The following LYSMD2 variants were observed in gnomAD, a reference collection of about 807,000 sequenced individuals.
The protein encoded by LYSMD2 is lysM and putative peptidoglycan-binding domain-containing protein 2.
LYSMD2 carries 6 observed loss-of-function variants against 17.7 expected under a neutral mutation model. That is an observed-to-expected ratio of 0.34 (90% CI 0.19 to 0.67). The LOEUF (loss-of-function observed/expected upper bound fraction) is 0.67, where lower values mean the gene tolerates loss of function less well. Ranked by LOEUF, LYSMD2 falls within the 30% of genes least tolerant of loss-of-function variation. The probability of loss-of-function intolerance (pLI) is 0.69; values close to 1 mark genes in which losing one functional copy is unlikely to be tolerated. For missense variants in LYSMD2, 237 were observed against 286.7 expected (o/e 0.83, Z 1.25); for synonymous variants, 102 against 129.8 (o/e 0.79, Z 1.45).
upstream of LYSMD2, among the ~76,000 whole-genome samples, chr15:51,741,235 T>G (rs2055641004): frequency 6.6e-6 from 1 of 152,244 alleles, no homozygotes; most frequent in South Asian, 2.1e-4. Flanking sequence ...TCACATATAT[T>G]GGATAACTTA....
upstream of LYSMD2, among the ~76,000 whole-genome samples, chr15:51,739,016 T>G (rs572545356): frequency 1.3e-5 from 2 of 152,172 alleles, no homozygotes; most frequent in Non-Finnish European, 1.5e-5. Flanking sequence ...TTCCCTCCAA[T>G]GGTAACACTC....
chr15:51,736,275 G>A (rs1192194668), intron 1 of LYSMD2, among the ~76,000 whole-genome samples: 3 of 152,120 alleles, frequency 2.0e-5, no homozygotes, highest in South Asian at 2.1e-4. Flanking sequence ...GCCCCATTAA[G>A]GCACATAGAG....
rs1454943845 is a variant in LYSMD2, at chr15:51,737,438, AGCG to A, written c.182_184del (p.Pro61del). ...ATGGCGCTCGATGACGCCGGCGCCC[AGCG>A]GCGCCCGCACGCTGGCGGTGCTGCC... On this transcript the variant is annotated inframe_deletion, in exon 1 of 3. Coordinates refer to ENST00000267838, the MANE Select transcript of LYSMD2 (RefSeq NM_153374.3). This position sits in a 1 kb window ranked among gnomAD's most constrained non-coding sequence, Gnocchi z 4.2. 2.1e-6 allele frequency: 3 copies of A among 1,433,856 alleles called. No individual in the cohort carries two copies. Among genetic ancestry groups the A allele is most frequent in the Non-Finnish European group, 2.7e-6 (3 of 1,097,490 alleles). 88.8% of individuals were successfully genotyped at this position (1,433,856 alleles called of 1,614,324 possible). A position where few individuals can be genotyped will look rare whatever the true frequency, so the allele number is the denominator to read the frequency against.
chr15:51,747,113 T>C (rs766268745), intron 1 of LYSMD2, among the ~76,000 whole-genome samples: 2 of 151,332 alleles, frequency 1.3e-5, no homozygotes, highest in African/African-American at 4.9e-5. Context: ...GACATGAGAA[T>C]TGCTTGAACC....
At chr15:51,738,424 G>C (rs945284944), upstream of LYSMD2, among the ~76,000 whole-genome samples, 1 of 152,128 alleles carries the variant, frequency 6.6e-6, no homozygotes, top group Non-Finnish European at 1.5e-5. Flanking sequence ...GGAATTTACT[G>C]TCTGCATTCA....
chr15:51,737,645 T>G lies in LYSMD2; in HGVS notation c.-23A>C. ...CATGGGTCCTGCCGAGGCCGCCGGG[T>G]CGGGGAGCTTGCCAAGGGGGCGGCG... On this transcript the variant is annotated 5_prime_UTR_variant, in exon 1 of 3. Coordinates refer to ENST00000267838, the MANE Select transcript of LYSMD2 (RefSeq NM_153374.3). The surrounding 1 kb of genome is among the most constrained non-coding windows in gnomAD (Gnocchi z 4.2). 8.3e-7 allele frequency: 1 copy of G among 1,203,676 alleles called. No individual in the cohort carries two copies. Among genetic ancestry groups the G allele is most frequent in the Non-Finnish European group, 1.0e-6 (1 of 970,016 alleles). 74.6% of individuals were successfully genotyped at this position (1,203,676 alleles called of 1,614,324 possible).
At chr15:51,733,436 GA>G (rs967353247) in intron 1 of LYSMD2, among the ~76,000 whole-genome samples, 10 of 151,586 alleles carry the variant, frequency 6.6e-5, no homozygotes, top group Admixed American at 5.3e-4. Flanking sequence ...CTGAGGGAAA[GA>G]AAAAAAATTG....
At chr15:51,747,869 C>G (rs1386660334) in intron 1 of LYSMD2, among the ~76,000 whole-genome samples, 4 of 152,232 alleles carry the variant, frequency 2.6e-5, no homozygotes, top group African/African-American at 9.6e-5. Flanking sequence ...ATAGTCACTG[C>G]TCCTTTAGTC....
chr15:51,731,387 G>A (rs1341183349), intron 1 of LYSMD2, among the ~76,000 whole-genome samples: 1 of 152,174 alleles, frequency 6.6e-6, no homozygotes, highest in Non-Finnish European at 1.5e-5. Flanking sequence ...CAGCAGCAGG[G>A]GTTAAAGTTA....
chr15:51,724,624 A>G, intron 2 of LYSMD2, among the ~76,000 whole-genome samples, 166 bp downstream of exon 2: 1 of 148,138 alleles, frequency 6.8e-6, no homozygotes, highest in East Asian at 1.9e-4. Flanking sequence ...GAAATTAAGA[A>G]AGGAAGAAAT....
upstream of LYSMD2, chr15:51,737,748 A>C: frequency 1.4e-6 from 1 of 720,078 alleles, no homozygotes; most frequent in Non-Finnish European, 1.9e-6. This position sits in a 1 kb window ranked among gnomAD's most constrained non-coding sequence, Gnocchi z 4.2. Flanking sequence ...GGGGCGGCGG[A>C]CGGGAAGCCG....
chr15:51,729,445 T>C lies in LYSMD2; in HGVS notation c.274-4324A>G, dbSNP rs554479369. Among the ~76,000 whole-genome samples the C allele has an allele frequency of 3.9e-5, 6 of 152,296 alleles. No individual in the cohort carries two copies. In the South Asian group the frequency reaches 1.2e-3, roughly 32 times the overall value. On this transcript the variant is annotated intron_variant, in intron 1 of 2. Coordinates refer to ENST00000267838, the MANE Select transcript of LYSMD2 (RefSeq NM_153374.3). ...GAAACGATGTTTTCTTTTGCTTTGGTATGTTTTTATTTATTTATTTTTATT... is the reference window on the plus strand; with the variant it reads ...GAAACGATGTTTTCTTTTGCTTTGGCATGTTTTTATTTATTTATTTTTATT...
rs186809994 is a variant in LYSMD2, at chr15:51,727,338, C to A, written c.274-2217G>T. ...ACGACCTTACCATAACCAGTGGCTG[C>A]ATTCCTCTCTGGTGAGAGTTCCTAT... is the stretch of plus-strand genomic sequence containing the variant. On this transcript the variant is annotated intron_variant, in intron 1 of 2. Transcript: ENST00000267838. 1.6e-4 allele frequency among the ~76,000 whole-genome samples: 24 copies of A among 152,314 alleles called. No individual in the cohort carries two copies. In the East Asian group the frequency reaches 4.6e-3, roughly 29 times the overall value.
intron 1 of LYSMD2, among the ~76,000 whole-genome samples, chr15:51,732,880 G>T (rs1342934135): frequency 1.3e-5 from 2 of 152,198 alleles, no homozygotes; most frequent in African/African-American, 4.8e-5. Flanking sequence ...ATCTTATCTG[G>T]TTTCCTTGCT....
At chr15:51,739,993 C>G (rs925019994), upstream of LYSMD2, among the ~76,000 whole-genome samples, 3 of 152,130 alleles carry the variant, frequency 2.0e-5, no homozygotes, top group Admixed American at 6.5e-5. Flanking sequence ...GAGTCTTGCT[C>G]TGTTGCCTAG....
Position 51,737,281 on chromosome 15 carries a change from G to A in LYSMD2, c.273+69C>T. 1 of 155,392 alleles carries A rather than the reference G, an allele frequency of 6.4e-6. No homozygotes were observed. Among genetic ancestry groups the A allele is most frequent in the African/African-American group, 1.1e-4 (1 of 8,768 alleles). 9.6% of individuals were successfully genotyped at this position (155,392 alleles called of 1,614,324 possible). On this transcript the variant is annotated intron_variant, in intron 1 of 2. Transcript: ENST00000267838. The surrounding 1 kb of genome is among the most constrained non-coding windows in gnomAD (Gnocchi z 4.2). Reference sequence around the variant, plus strand: ...CCGCAGTCCCACCCCCACCCCCACCGCACCCCGAGCCGCACCGCCTCCTGC... The same window carrying A: ...CCGCAGTCCCACCCCCACCCCCACCACACCCCGAGCCGCACCGCCTCCTGC...
chr15:51,725,234 T>C (rs775401757), intron 1 of LYSMD2, 113 bp from the exon 2 acceptor site: 3 of 655,530 alleles, frequency 4.6e-6, no homozygotes, highest in South Asian at 2.5e-5. Flanking sequence ...CAATGCTTTC[T>C]TGGGATTTGA....
chr15:51,750,081 T>C (rs2055689921), intron 1 of LYSMD2, among the ~76,000 whole-genome samples: 1 of 152,196 alleles, frequency 6.6e-6, no homozygotes, highest in Admixed American at 6.5e-5. Context: ...TGGCCCTATT[T>C]TGCAATGTGC....
intron 1 of LYSMD2, among the ~76,000 whole-genome samples, chr15:51,748,144 C>A (rs2055677444): frequency 6.6e-6 from 1 of 151,748 alleles, no homozygotes; most frequent in Admixed American, 6.6e-5. Flanking sequence ...AGTGGCAGCA[C>A]CTGTAGTCCC....
Sources: gnomAD v4.1 joint callset for allele counts (sites outside exome capture counted in the v4.1 genomes callset) on GRCh38, gnomAD v4.1.1 for gene constraint, Gnocchi (gnomAD v3.1) non-coding constraint, MANE v1.5 for transcripts, NCBI Gene and HGNC (gene_info 2026-07-23, HGNC 2026-07-21) for gene names.